SYN3: variants seen among roughly 807,000 people sequenced by gnomAD.
The protein encoded by SYN3 is synapsin-3.
A neutral mutation model predicts 65.8 loss-of-function variants in SYN3; 35 were observed. The observed-to-expected ratio is 0.53, with a 90% CI of 0.41 to 0.70. The LOEUF is 0.70. SYN3 is among the 30% of genes least tolerant of loss of function. The probability of loss-of-function intolerance (pLI) is 0.00; values close to 1 mark genes in which losing one functional copy is unlikely to be tolerated. For missense variants in SYN3, 680 were observed against 749.0 expected, an observed-to-expected ratio of 0.91 and a Z score of 1.08; for synonymous variants, 270 against 292.9, an observed-to-expected ratio of 0.92 and a Z score of 0.80.
chr22:32,800,662 G>A (rs2046544721), intron 6 of SYN3, among the ~76,000 whole-genome samples: 3 of 152,212 alleles, frequency 2.0e-5, no homozygotes, highest in Non-Finnish European at 4.4e-5. Flanking sequence ...TTTTACTACA[G>A]TTTTGGATCA....
chr22:32,730,741 C>T (rs1463904882), intron 6 of SYN3, among the ~76,000 whole-genome samples: 1 of 152,138 alleles, frequency 6.6e-6, no homozygotes, highest in Non-Finnish European at 1.5e-5. Flanking sequence ...TAATTTGTTA[C>T]AAAGCACACA....
At chr22:33,012,031 A>G (rs1322021222) in intron 1 of SYN3, among the ~76,000 whole-genome samples, 2 of 151,846 alleles carry the variant, frequency 1.3e-5, no homozygotes, top group Non-Finnish European at 2.9e-5. Flanking sequence ...TTTGTTTTCT[A>G]TTTCACTTAT....
Position 32,553,826 on chromosome 22 carries a change from C to G in SYN3, c.775-12113G>C, listed in dbSNP as rs75564739. Among the ~76,000 whole-genome samples, 1,158 of 152,262 alleles carry G rather than the reference C, an allele frequency of 7.6e-3. 12 individuals are homozygous for G. Among genetic ancestry groups the G allele is most frequent in the African/African-American group, 0.025 (1,045 of 41,554 alleles). On this transcript the variant is annotated intron_variant, in intron 7 of 13. Coordinates refer to ENST00000358763, the MANE Select transcript of SYN3 (RefSeq NM_003490.4). ...GAGCATCCCAGCCTTTGGGGTTGGC[C>G]CACATCCCAGAGTTTATCCAGGCTC...
intron 6 of SYN3, among the ~76,000 whole-genome samples, chr22:32,685,995 C>T (rs2060583736): frequency 6.6e-6 from 1 of 152,062 alleles, no homozygotes; most frequent in Admixed American, 6.5e-5. Flanking sequence ...TTAATATGAT[C>T]CCAATTTTAT....
chr22:32,643,289 A>T (rs2059929349), intron 6 of SYN3, among the ~76,000 whole-genome samples: 3 of 152,046 alleles, frequency 2.0e-5, no homozygotes, highest in Non-Finnish European at 1.5e-5. Context: ...CATGTTGGCC[A>T]AGCTGGTCTT....
chr22:33,028,116 C>T (rs979831535), intron 1 of SYN3, among the ~76,000 whole-genome samples: 3 of 152,102 alleles, frequency 2.0e-5, no homozygotes, highest in Non-Finnish European at 2.9e-5. Context: ...GTTGCCTTCC[C>T]GGGACACATA....
In SYN3 at chr22:32,992,857, G is replaced by T. The variant is rs540286019; in HGVS notation, c.312-12155C>A. Among the ~76,000 whole-genome samples the T allele has an allele frequency of 4.6e-5, 7 of 152,228 alleles. No individual in the cohort carries two copies. In the South Asian group the frequency reaches 1.4e-3, roughly 32 times the overall value. On this transcript the variant is annotated intron_variant, in intron 2 of 13. Coordinates refer to ENST00000358763, the MANE Select transcript of SYN3 (RefSeq NM_003490.4). ...AAATAAATTCATCTCCTGAGCTCCAGTCTAGATATTCTGATTCCATCATTG... is the reference window on the plus strand; with the variant it reads ...AAATAAATTCATCTCCTGAGCTCCATTCTAGATATTCTGATTCCATCATTG...
intron 6 of SYN3, among the ~76,000 whole-genome samples, chr22:32,605,078 G>A (rs1321765030): frequency 6.6e-6 from 1 of 151,502 alleles, no homozygotes; most frequent in African/African-American, 2.4e-5. Flanking sequence ...CTCCCCATAG[G>A]TGGTCTGAGG....
chr22:32,976,926 G>C (rs1212440205), intron 3 of SYN3, among the ~76,000 whole-genome samples: 2 of 151,564 alleles, frequency 1.3e-5, no homozygotes, highest in Non-Finnish European at 2.9e-5. Context: ...TGTGAGGCCA[G>C]CTCAGACTAA....
chr22:32,748,859 G>C (rs2045022473), intron 6 of SYN3, among the ~76,000 whole-genome samples: 1 of 152,156 alleles, frequency 6.6e-6, no homozygotes, highest in South Asian at 2.1e-4. Context: ...GCCTTCCTGA[G>C]CCAACCCATG....
chr22:32,944,057 G>T (rs983173454), intron 3 of SYN3, among the ~76,000 whole-genome samples: 7 of 152,094 alleles, frequency 4.6e-5, no homozygotes, highest in South Asian at 2.1e-4. Context: ...AAGTTAACAA[G>T]GATATCCAGG....
intron 7 of SYN3, among the ~76,000 whole-genome samples, chr22:32,555,257 G>C (rs1277689039): frequency 6.6e-6 from 1 of 152,158 alleles, no homozygotes; most frequent in Non-Finnish European, 1.5e-5. Context: ...AAAGCTGAAG[G>C]CTAATAGGGA....
chr22:32,959,679 C>T (rs960497848), intron 3 of SYN3, among the ~76,000 whole-genome samples: 3 of 152,174 alleles, frequency 2.0e-5, no homozygotes, highest in East Asian at 3.9e-4. Flanking sequence ...ACTGCTGCCT[C>T]GACCTACTGC....
At chr22:32,848,244 A>C (rs1425803370) in intron 6 of SYN3, among the ~76,000 whole-genome samples, 1 of 152,110 alleles carries the variant, frequency 6.6e-6, no homozygotes, top group Non-Finnish European at 1.5e-5. Context: ...GGGTGTAATT[A>C]CTTTTGTATT....
At chr22:32,940,926 C>T (rs1210322757) in intron 3 of SYN3, among the ~76,000 whole-genome samples, 3 of 152,158 alleles carry the variant, frequency 2.0e-5, no homozygotes, top group Non-Finnish European at 2.9e-5. Context: ...GCAAAATACA[C>T]ATGGACACTG....
rs1285978406 is a variant in SYN3, at chr22:32,982,341, G to A, written c.312-1639C>T. The stretch of plus-strand genomic sequence containing the variant: ...TCCTTTGTCTATCTGCCATCCGTCC[G>A]TCCTTCCTTCCTTCTTTCCACAGAC... On this transcript the variant is annotated intron_variant, in intron 2 of 13. Transcript: ENST00000358763. Among the ~76,000 whole-genome samples the A allele has an allele frequency of 2.6e-5, 4 of 151,990 alleles. No homozygotes were observed. In the East Asian group the frequency reaches 5.8e-4, roughly 22 times the overall value.
intron 6 of SYN3, among the ~76,000 whole-genome samples, chr22:32,708,529 C>T (rs10854628): frequency 0.24 from 35,775 of 152,100 alleles, 6,604 homozygotes; most frequent in East Asian, 0.63. Flanking sequence ...CATCGTCTCT[C>T]CCTGCTGAGG....
chr22:32,878,381 C>A (rs531556642), intron 4 of SYN3, among the ~76,000 whole-genome samples: 4 of 152,362 alleles, frequency 2.6e-5, no homozygotes, highest in African/African-American at 9.6e-5. Context: ...ACACTCTCCA[C>A]TCCTCATTTC....
At chr22:32,697,763 C>T (rs1314380241) in intron 6 of SYN3, among the ~76,000 whole-genome samples, 1 of 152,214 alleles carries the variant, frequency 6.6e-6, no homozygotes, top group Non-Finnish European at 1.5e-5. Flanking sequence ...CATTCACAGG[C>T]AACGTATATT....
Sources: gnomAD v4.1 joint callset for allele counts (sites outside exome capture counted in the v4.1 genomes callset) on GRCh38, gnomAD v4.1.1 for gene constraint, MANE v1.5 for transcripts, NCBI Gene and HGNC (gene_info 2026-07-23, HGNC 2026-07-21) for gene names.